The following HACD2 variants were observed in gnomAD, a reference collection of about 807,000 sequenced individuals.
HACD2 encodes very-long-chain (3R)-3-hydroxyacyl-CoA dehydratase 2.
Under a neutral mutation model 31.0 loss-of-function variants are expected in HACD2, and 15 were observed. That is an observed-to-expected ratio of 0.48 (90% CI 0.32 to 0.75). The LOEUF is 0.75. Ranked by LOEUF, HACD2 falls within the 30% of genes least tolerant of loss-of-function variation. The pLI is 0.03. For synonymous variants in HACD2, 115 were observed against 122.2 expected, an observed-to-expected ratio of 0.94 and a Z score of 0.39; for missense variants, 283 against 313.0, an observed-to-expected ratio of 0.90 and a Z score of 0.72.
At chr3:123,576,677 C>T (rs988295892) in intron 2 of HACD2, among the ~76,000 whole-genome samples, 1 of 152,054 alleles carries the variant, frequency 6.6e-6, no homozygotes, top group African/African-American at 2.4e-5. Context: ...AATGTTTCCA[C>T]AAGAAGGAAA....
At chr3:123,511,514 T>G (rs1330708813) in intron 4 of HACD2, among the ~76,000 whole-genome samples, 1 of 152,204 alleles carries the variant, frequency 6.6e-6, no homozygotes, top group Non-Finnish European at 1.5e-5. Context: ...CAATAAATGT[T>G]GCCTACCTCT....
chr3:123,557,490 T>C (rs2056684845), intron 3 of HACD2, among the ~76,000 whole-genome samples: 1 of 152,006 alleles, frequency 6.6e-6, no homozygotes, highest in African/African-American at 2.4e-5. Context: ...ATTAAAAAAA[T>C]TAGCTGGGCA....
Position 123,582,320 on chromosome 3 carries a change from A to G in HACD2, c.165T>C (p.Val55=), listed in dbSNP as rs1477436072. Residue 55 remains valine (V), a synonymous_variant, in exon 2 of 7, where the codon GTT becomes GTC. Transcript: ENST00000383657. The part of the protein sequence containing the change: ...YNVVMTAGWL[V]IAVGLVRAYL... ...ATGCTCGGACCAGACCAACCGCTAT[A>G]ACCAGCCACCTAGTAAAAGAGAAAA... is the stretch of plus-strand genomic sequence containing the variant. 1.3e-6 allele frequency: 2 copies of G among 1,580,324 alleles called. No individual in the cohort carries two copies. Among genetic ancestry groups the G allele is most frequent in the South Asian group, 2.4e-5 (2 of 84,746 alleles).
chr3:123,568,301 C>T (rs999470832), intron 2 of HACD2, among the ~76,000 whole-genome samples: 2 of 152,222 alleles, frequency 1.3e-5, no homozygotes, highest in African/African-American at 4.8e-5. Context: ...TCCAATCCAA[C>T]CCTGTCTCCT....
intron 3 of HACD2, among the ~76,000 whole-genome samples, chr3:123,563,644 T>TAC (rs58761061): frequency 0.14 from 16,121 of 111,848 alleles, 1,045 homozygotes; most frequent in South Asian, 0.18. Flanking sequence ...AAAATATATA[T>TAC]ACACACACAC....
intron 5 of HACD2, among the ~76,000 whole-genome samples, chr3:123,501,214 A>G (rs1466984358): frequency 2.0e-5 from 3 of 152,236 alleles, no homozygotes; most frequent in Non-Finnish European, 4.4e-5. Context: ...AAAATCAAAT[A>G]TATACAATTA....
intron 2 of HACD2, among the ~76,000 whole-genome samples, chr3:123,569,344 A>G (rs2056828119): frequency 6.6e-6 from 1 of 152,184 alleles, no homozygotes. Context: ...AAGACAGATG[A>G]CAGTACCTAG....
At chr3:123,580,665 C>G (rs973448321) in intron 2 of HACD2, among the ~76,000 whole-genome samples, 1 of 151,406 alleles carries the variant, frequency 6.6e-6, no homozygotes, top group African/African-American at 2.4e-5. Context: ...AGCCTGTGGG[C>G]CCAGCTACTC....
At chr3:123,529,875 G>A (rs2107708344) in intron 3 of HACD2, among the ~76,000 whole-genome samples, 1 of 151,902 alleles carries the variant, frequency 6.6e-6, no homozygotes, top group East Asian at 1.9e-4. Flanking sequence ...CACTTAGATG[G>A]GACAATATGC....
At chr3:123,580,725 G>A (rs935206184) in intron 2 of HACD2, among the ~76,000 whole-genome samples, 1 of 151,336 alleles carries the variant, frequency 6.6e-6, no homozygotes, top group Non-Finnish European at 1.5e-5. Context: ...CAAGGCTGCA[G>A]TGAGCCACGG....
At chr3:123,496,174 C>G (rs914807656) in intron 6 of HACD2, among the ~76,000 whole-genome samples, 1 of 152,142 alleles carries the variant, frequency 6.6e-6, no homozygotes, top group Non-Finnish European at 1.5e-5. Context: ...CAGGTGCACA[C>G]CACTTCACAC....
chr3:123,569,590 G>A (rs988311211), intron 2 of HACD2, among the ~76,000 whole-genome samples: 5 of 152,116 alleles, frequency 3.3e-5, no homozygotes, highest in Non-Finnish European at 7.3e-5. Context: ...TTGAACTCCT[G>A]GGCTCAAGTG....
At chr3:123,500,407 T>G in intron 6 of HACD2, 108 bp downstream of exon 6, 7 of 729,834 alleles carry the variant, frequency 9.6e-6, no homozygotes, top group East Asian at 2.8e-5. Flanking sequence ...TCCCAATAAA[T>G]GAGATTTACA....
intron 4 of HACD2, among the ~76,000 whole-genome samples, chr3:123,507,649 T>TTA (rs1262163525): frequency 6.6e-6 from 1 of 152,160 alleles, no homozygotes; most frequent in Non-Finnish European, 1.5e-5. Context: ...CATGATGTGC[T>TTA]TATTTCACAT....
chr3:123,502,947 G>C, intron 4 of HACD2: 2 of 366,620 alleles, frequency 5.5e-6, no homozygotes, highest in South Asian at 8.1e-5. Context: ...GAGGGGTGGG[G>C]ATTTACAGGT....
At chr3:123,567,881 C>A in intron 2 of HACD2, 101 bp from the exon 3 acceptor site, 1 of 633,806 alleles carries the variant, frequency 1.6e-6, no homozygotes, top group South Asian at 3.8e-5. Flanking sequence ...AGAGCAGCGT[C>A]TGCCAGCAGT....
At chr3:123,501,579 G>A (rs947864580) in intron 5 of HACD2, among the ~76,000 whole-genome samples, 1 of 151,918 alleles carries the variant, frequency 6.6e-6, no homozygotes, top group African/African-American at 2.4e-5. Context: ...ACACTAAGTA[G>A]GATGGTGGAA....
At chr3:123,501,490 C>T (rs1209457581) in intron 5 of HACD2, among the ~76,000 whole-genome samples, 2 of 152,180 alleles carry the variant, frequency 1.3e-5, no homozygotes, top group African/African-American at 2.4e-5. Context: ...CAACGGACTA[C>T]AAACTTCTGG....
chr3:123,536,686 A>G (rs2056430369), intron 3 of HACD2, among the ~76,000 whole-genome samples: 1 of 152,202 alleles, frequency 6.6e-6, no homozygotes. Flanking sequence ...CAAAAATAAT[A>G]CTTCAGAGAT....
Sources: gnomAD v4.1 joint callset for allele counts (sites outside exome capture counted in the v4.1 genomes callset) on GRCh38, gnomAD v4.1.1 for gene constraint, MANE v1.5 for transcripts, NCBI Gene and HGNC (gene_info 2026-07-23, HGNC 2026-07-21) for gene names.